The following ITPR3 variants were observed in gnomAD, a reference collection of about 807,000 sequenced individuals.
ITPR3 encodes inositol 1,4,5-trisphosphate receptor type 3.
In ITPR3, 173 loss-of-function variants were observed where a neutral mutation model predicts 293.2. That is an observed-to-expected ratio of 0.59 (90% CI 0.52 to 0.67). The LOEUF (loss-of-function observed/expected upper bound fraction) is 0.67. Ranked by LOEUF, ITPR3 falls within the 30% of genes least tolerant of loss-of-function variation. The probability of loss-of-function intolerance (pLI) is 0.00; values close to 1 mark genes in which losing one functional copy is unlikely to be tolerated. For synonymous variants in ITPR3, 1,295 were observed against 1,444.4 expected (o/e 0.90, Z 2.35); for missense variants, 2,796 against 3,592.1 (o/e 0.78, Z 5.66).
chr6:33,668,469 C>T, intron 16 of ITPR3, 46 bp from the exon 17 acceptor site: 1 of 1,613,086 alleles, frequency 6.2e-7, no homozygotes. Flanking sequence ...CTTAGAGGGA[C>T]CAGCCTCTGA....
rs1765280975 is a variant in ITPR3, at chr6:33,687,944, G to C, written c.6265-113G>C. The C allele has an allele frequency of 7.4e-6, 6 of 815,662 alleles. No homozygotes were observed. The highest frequency in any genetic ancestry group is 3.5e-5 in the South Asian group (2 of 56,496). The allele number at this position is 815,662 out of a possible 1,614,324, so 50.5% of individuals were successfully genotyped here. On this transcript the variant is annotated intron_variant, in intron 46 of 57. Transcript: ENST00000605930. The surrounding 1 kb of genome is among the most constrained non-coding windows in gnomAD (Gnocchi z 5.3). ...GCTTGGCCTGCTCTGGCTTGGCGGG[G>C]ACACTCGCTGAAGTGTAGTTCAGAG...
Position 33,664,756 on chromosome 6 carries a change from T to G in ITPR3, c.1149-114T>G. 1.2e-6 allele frequency: 1 copy of G among 830,808 alleles called. No individual in the cohort carries two copies. The highest frequency in any genetic ancestry group is 2.0e-5 in the Admixed American group (1 of 49,000). The allele number at this position is 830,808 out of a possible 1,614,324, so 51.5% of individuals were successfully genotyped here. On this transcript the variant is annotated intron_variant, in intron 11 of 57. Coordinates refer to ENST00000605930, the MANE Select transcript of ITPR3 (RefSeq NM_002224.4). This position sits in a 1 kb window ranked among gnomAD's most constrained non-coding sequence, Gnocchi z 4.4. ...CCAGTGGCTCCTGTCCCACAGCTGT[T>G]GAGGGTGTGGAGTAGGGTGGCAGCT...
chr6:33,670,422 T>G lies in ITPR3; in HGVS notation c.2287T>G (p.Cys763Gly). Residue 763 changes from cysteine to glycine, a missense_variant, in exon 19 of 58, where the codon TGC (cysteine) becomes GGC (glycine). This residue lies in a region of ITPR3 where 955 missense variants were observed against 1,180.8 expected (regional missense o/e 0.81). Coordinates refer to ENST00000605930, the MANE Select transcript of ITPR3 (RefSeq NM_002224.4). This position sits in a 1 kb window ranked among gnomAD's most constrained non-coding sequence, Gnocchi z 6.7. The stretch of plus-strand genomic sequence containing the variant: ...GCTGGGCGTGGACCTGATTTTCCTG[T>G]GCATGGCAGACGAGATGCTGCCCTT... ...QQLGVDLIFL[C>G]MADEMLPFDL... 6.2e-7 allele frequency: 1 copy of G among 1,614,122 alleles called. No individual in the cohort carries two copies. The highest frequency in any genetic ancestry group is 8.5e-7 in the Non-Finnish European group (1 of 1,180,030).
Position 33,684,788 on chromosome 6 carries a change from T to C in ITPR3, c.5152T>C (p.Trp1718Arg), listed in dbSNP as rs1180104939. 6.2e-7 allele frequency: 1 copy of C among 1,612,192 alleles called. No homozygotes were observed. Among genetic ancestry groups the C allele is most frequent in the South Asian group, 1.1e-5 (1 of 90,840 alleles). Reference sequence around the variant, plus strand: ...CCCGCCTCCAGGCCTGGACCCAGACTGGTCGGCAATCGCAGCCACCCAGTG... The same window carrying C: ...CCCGCCTCCAGGCCTGGACCCAGACCGGTCGGCAATCGCAGCCACCCAGTG... ...DPIGTGLDPD[W>R]SAIAATQCRL... is the part of the protein sequence containing the mutation. Residue 1718 changes from tryptophan to arginine, a missense_variant, in exon 39 of 58, where the codon TGG becomes CGG. Around this residue, in one of 8 missense-constraint regions of ITPR3, gnomAD observed 704 missense variants for 797.5 expected, o/e 0.88. Coordinates refer to ENST00000605930, the MANE Select transcript of ITPR3 (RefSeq NM_002224.4). This position sits in a 1 kb window ranked among gnomAD's most constrained non-coding sequence, Gnocchi z 4.2.
intron 50 of ITPR3, 151 bp downstream of exon 50, chr6:33,689,561 G>A (rs1036015165): frequency 1.5e-5 from 13 of 842,498 alleles, no homozygotes; most frequent in Non-Finnish European, 2.4e-5. Context: ...CCGGTGGCAG[G>A]GACTGTTCTG....
rs1765236339 is a variant in ITPR3 at position 33,686,539 on chromosome 6, G to A, written c.5979+20G>A. 7.6e-6 allele frequency: 12 copies of A among 1,572,122 alleles called. No homozygotes were observed. The highest frequency in any genetic ancestry group is 8.8e-6 in the Non-Finnish European group (10 of 1,141,576). On this transcript the variant is annotated intron_variant, in intron 43 of 57. Transcript: ENST00000605930. ...CTCAAGGTGGGGCCCAGTGGCAGGT[G>A]TGTGAGTGCTGGGTGTGCATGTGAT...
rs111784003 is a variant in ITPR3 at position 33,675,015 on chromosome 6, T to C, written c.3117-676T>C. Among the ~76,000 whole-genome samples the C allele has an allele frequency of 0.029, 4,343 of 152,264 alleles. 201 individuals carry two copies. The highest frequency in any genetic ancestry group is 0.097 in the African/African-American group (4,014 of 41,542). ...TTTCCTCACTGAAGGAAATGCTGTA[T>C]TTTGGTTAGAGGTTGGGAAAAATAA... On this transcript the variant is annotated intron_variant, in intron 24 of 57. Coordinates refer to ENST00000605930, the MANE Select transcript of ITPR3 (RefSeq NM_002224.4). The surrounding 1 kb of genome is among the most constrained non-coding windows in gnomAD (Gnocchi z 5.0).
intron 1 of ITPR3, among the ~76,000 whole-genome samples, chr6:33,623,821 C>T (rs1047851021): frequency 3.9e-5 from 6 of 152,164 alleles, no homozygotes; most frequent in East Asian, 1.9e-4. Flanking sequence ...AGCCCTTCTA[C>T]GCCGGGGTAC....
Position 33,685,457 on chromosome 6 carries a change from CACGGTGGCAGTCA to C in ITPR3, c.5409_5421del (p.Val1804Ter). On this transcript the variant is annotated frameshift_variant, in exon 40 of 58. Transcript: ENST00000605930. LOFTEE classifies it high-confidence loss of function. ...AGCGGGCCCAGCAGGAGACCAAGTC[CACGGTGGCAGTCA>C]ACATGAATGACCTGGGCAGCCAGCC... is the stretch of plus-strand genomic sequence containing the variant. 6.2e-7 allele frequency: 1 copy of C among 1,614,044 alleles called. No individual in the cohort carries two copies. Among genetic ancestry groups the C allele is most frequent in the Non-Finnish European group, 8.5e-7 (1 of 1,179,990 alleles).
chr6:33,634,029 T>A (rs1012575502), intron 1 of ITPR3, among the ~76,000 whole-genome samples: 2 of 152,276 alleles, frequency 1.3e-5, no homozygotes, highest in Non-Finnish European at 2.9e-5. Context: ...GCCCCAGGTC[T>A]CCCGACAGGC....
intron 20 of ITPR3, 69 bp from the exon 21 acceptor site, chr6:33,671,096 G>A: frequency 1.3e-6 from 2 of 1,594,036 alleles, no homozygotes; most frequent in South Asian, 1.1e-5. Flanking sequence ...GTCCTGGCCT[G>A]CCCTCCACGA....
intron 57 of ITPR3, 137 bp from the exon 58 acceptor site, chr6:33,695,575 G>A: frequency 1.3e-6 from 1 of 775,484 alleles, no homozygotes; most frequent in African/African-American, 1.7e-5. Flanking sequence ...AGCACCCCGA[G>A]GGGCCCTGGC....
chr6:33,669,335 G>A (rs1764698190), intron 18 of ITPR3, among the ~76,000 whole-genome samples, 179 bp downstream of exon 18: 1 of 152,242 alleles, frequency 6.6e-6, no homozygotes, highest in Non-Finnish European at 1.5e-5. Flanking sequence ...GGAAGGCTGA[G>A]TGAAGAGGAC....
chr6:33,683,941 G>T lies in ITPR3; in HGVS notation c.4789-79G>T, dbSNP rs1397202656. The T allele has an allele frequency of 1.3e-6, 2 of 1,492,008 alleles. No homozygotes were observed. Among genetic ancestry groups the T allele is most frequent in the Non-Finnish European group, 1.8e-6 (2 of 1,108,264 alleles). 92.4% of individuals were successfully genotyped at this position (1,492,008 alleles called of 1,614,324 possible). On this transcript the variant is annotated intron_variant, in intron 35 of 57. Transcript: ENST00000605930. This position sits in a 1 kb window ranked among gnomAD's most constrained non-coding sequence, Gnocchi z 4.5. ...GGCAGGGCAATCTGTGGGGCTGTTT[G>T]GCGTTTGGGTCGGAGGAATGGCAGT...
chr6:33,649,247 T>A (rs1764135939), intron 2 of ITPR3, among the ~76,000 whole-genome samples: 1 of 151,980 alleles, frequency 6.6e-6, no homozygotes, highest in Admixed American at 6.6e-5. Flanking sequence ...TGTTTTGAGA[T>A]GGAGTTTCAC....
At position 33,693,314 on chromosome 6, in the gene ITPR3, G is replaced by A. The variant is rs3818528; in HGVS notation, c.7625-231G>A. Among the ~76,000 whole-genome samples, 86,298 of 152,078 alleles carry A rather than the reference G, an allele frequency of 0.57. 27,546 individuals carry two copies. Among genetic ancestry groups the A allele is most frequent in the East Asian group, 0.91 (4,697 of 5,172 alleles). On this transcript the variant is annotated intron_variant, in intron 55 of 57. Coordinates refer to ENST00000605930, the MANE Select transcript of ITPR3 (RefSeq NM_002224.4). ...TCGAGAAATTCTCGCGTTTACTCCT[G>A]GAGTCCTCGGTTGCTGCTGCGGGAG...
chr6:33,627,098 G>A (rs1187757662), intron 1 of ITPR3, among the ~76,000 whole-genome samples: 1 of 152,212 alleles, frequency 6.6e-6, no homozygotes, highest in East Asian at 1.9e-4. Flanking sequence ...ATGAGCCACT[G>A]TACCCGGCTT....
intron 56 of ITPR3, chr6:33,694,721 C>T: frequency 6.4e-5 from 35 of 549,978 alleles, no homozygotes; most frequent in South Asian, 1.7e-4. Flanking sequence ...GTCTCGGTGG[C>T]AGAGGGTTGA....
In ITPR3 at chr6:33,687,808, T is replaced by G. The variant is rs1044722574; in HGVS notation, c.6264+244T>G. On this transcript the variant is annotated intron_variant, in intron 46 of 57. Coordinates refer to ENST00000605930, the MANE Select transcript of ITPR3 (RefSeq NM_002224.4). This position sits in a 1 kb window ranked among gnomAD's most constrained non-coding sequence, Gnocchi z 5.3. Reference sequence around the variant, plus strand: ...GCTTCAAGCAGGACCCGGGCTACACTTGGGCAGGACTGAGGAGGCCCCCGC... The same window carrying G: ...GCTTCAAGCAGGACCCGGGCTACACGTGGGCAGGACTGAGGAGGCCCCCGC... Among the ~76,000 whole-genome samples, 3 of 152,068 alleles carry G rather than the reference T, an allele frequency of 2.0e-5. No individual in the cohort carries two copies. Among genetic ancestry groups the G allele is most frequent in the Non-Finnish European group, 4.4e-5 (3 of 68,002 alleles).
Sources: gnomAD v4.1 joint callset for allele counts (sites outside exome capture counted in the v4.1 genomes callset) on GRCh38, gnomAD v4.1.1 for gene constraint, gnomAD v4.1.1 regional missense constraint, Gnocchi (gnomAD v3.1) non-coding constraint, MANE v1.5 for transcripts, NCBI Gene and HGNC (gene_info 2026-07-23, HGNC 2026-07-21) for gene names.